HM13: variants seen among roughly 807,000 people sequenced by gnomAD.
HM13 encodes the protein histocompatibility minor 13.
Under a neutral mutation model 50.0 loss-of-function variants are expected in HM13, and 18 were observed. That is an observed-to-expected ratio of 0.36 (90% CI 0.25 to 0.53). The LOEUF (loss-of-function observed/expected upper bound fraction) is 0.53. HM13 is among the 20% of genes least tolerant of loss of function. HM13 has a pLI of 0.90. For synonymous variants in HM13, 197 were observed against 232.6 expected (o/e 0.85, Z 1.39); for missense variants, 393 against 552.4 (o/e 0.71, Z 2.89).
intron 6 of HM13, 101 bp downstream of exon 6, chr20:31,549,433 C>T: frequency 6.7e-7 from 1 of 1,488,226 alleles, no homozygotes; most frequent in Non-Finnish European, 9.2e-7. Flanking sequence ...CGGAGAAGAG[C>T]TGTTTTGGGC....
In HM13 at chr20:31,547,800, A is replaced by G. The variant is rs547030540; in HGVS notation, c.455-1229A>G. Reference sequence around the variant, plus strand: ...TCCTGCCACACCAGCAGGTTGATAAAGGAGCTATCAAATTTGTACTCAGTG... The same window carrying G: ...TCCTGCCACACCAGCAGGTTGATAAGGGAGCTATCAAATTTGTACTCAGTG... On this transcript the variant is annotated intron_variant, in intron 4 of 12. Transcript: ENST00000398174. The G allele has an allele frequency of 2.0e-4, 191 of 951,618 alleles. 1 individual carries two copies. Among genetic ancestry groups the G allele is most frequent in the Middle Eastern group, 4.3e-4 (2 of 4,640 alleles). 58.9% of individuals were successfully genotyped at this position (951,618 alleles called of 1,614,324 possible).
intron 10 of HM13, 81 bp downstream of exon 10, chr20:31,561,817 A>G (rs934136253): frequency 6.2e-6 from 6 of 966,498 alleles, no homozygotes; most frequent in Non-Finnish European, 9.9e-6. Context: ...TGTAAATGCA[A>G]GCAGTCCAGA....
chr20:31,534,409 C>T (rs1407069230), intron 2 of HM13, among the ~76,000 whole-genome samples: 1 of 152,080 alleles, frequency 6.6e-6, no homozygotes, highest in East Asian at 1.9e-4. Context: ...TGGGCAAGTG[C>T]CTTTGTTAGG....
At chr20:31,515,911 A>G (rs1981746683) in intron 1 of HM13, among the ~76,000 whole-genome samples, 1 of 152,140 alleles carries the variant, frequency 6.6e-6, no homozygotes, top group Admixed American at 6.5e-5. Flanking sequence ...GCAGGCCCAC[A>G]AAGCAGCTGC....
chr20:31,523,971 T>G (rs1982333671), intron 1 of HM13, among the ~76,000 whole-genome samples: 1 of 151,930 alleles, frequency 6.6e-6, no homozygotes, highest in Non-Finnish European at 1.5e-5. Context: ...TAGGCAAGGG[T>G]GTGGTTAGGG....
intron 2 of HM13, among the ~76,000 whole-genome samples, chr20:31,535,001 G>T (rs1024640788): frequency 6.6e-6 from 1 of 151,766 alleles, no homozygotes; most frequent in African/African-American, 2.4e-5. Flanking sequence ...CAGGAGAGTG[G>T]CGTGAACCCG....
chr20:31,532,378 T>G (rs1401849845), intron 2 of HM13, among the ~76,000 whole-genome samples: 1 of 152,160 alleles, frequency 6.6e-6, no homozygotes, highest in Non-Finnish European at 1.5e-5. Context: ...TGAGCCGAGA[T>G]CGTGCCCCTG....
chr20:31,547,191 C>T (rs1295690226), intron 4 of HM13, among the ~76,000 whole-genome samples: 1 of 152,180 alleles, frequency 6.6e-6, no homozygotes, highest in Non-Finnish European at 1.5e-5. Flanking sequence ...TCTTCTGTTC[C>T]GGCAAGGAGA....
chr20:31,522,990 T>C (rs1485994039), intron 1 of HM13, among the ~76,000 whole-genome samples: 2 of 150,672 alleles, frequency 1.3e-5, no homozygotes, highest in Admixed American at 1.3e-4. Context: ...GATATACATG[T>C]CTATTGCATC....
At chr20:31,563,924 A>G (rs1984753052) in intron 10 of HM13, 1 of 151,924 alleles carries the variant, frequency 6.6e-6, no homozygotes, top group African/African-American at 2.4e-5. Context: ...TAAAAACACA[A>G]AATTAGCCGG....
rs1361808206 is a variant in HM13, at chr20:31,547,453, G to A, written c.455-1576G>A. 5 of 577,856 alleles carry A rather than the reference G, an allele frequency of 8.7e-6. No individual in the cohort carries two copies. In the Admixed American group the frequency reaches 1.3e-4, roughly 15 times the overall value. The allele number at this position is 577,856 out of a possible 1,614,324, so 35.8% of individuals were successfully genotyped here. On this transcript the variant is annotated intron_variant, in intron 4 of 12. Coordinates refer to ENST00000398174, the MANE Select transcript of HM13 (RefSeq NM_178581.3). ...CCTTCCTGCAGGGGACTCCACCGGA[G>A]CCTTGCCAATTCCGTTTGTTTCCCT...
intron 2 of HM13, among the ~76,000 whole-genome samples, chr20:31,530,310 A>G (rs1982736279): frequency 6.6e-6 from 1 of 152,078 alleles, no homozygotes; most frequent in Admixed American, 6.6e-5. Flanking sequence ...GCATAAATCT[A>G]TACTTATGTT....
At chr20:31,518,110 A>G (rs1209517540) in intron 1 of HM13, among the ~76,000 whole-genome samples, 1 of 148,550 alleles carries the variant, frequency 6.7e-6, no homozygotes, top group Non-Finnish European at 1.5e-5. Flanking sequence ...ATCTTGGCTC[A>G]TTGCAACTTC....
chr20:31,569,287 AC>A lies in HM13; in HGVS notation c.*70del. On this transcript the variant is annotated 3_prime_UTR_variant, in exon 13 of 13. Coordinates refer to ENST00000398174, the MANE Select transcript of HM13 (RefSeq NM_178581.3). ...GGGGGCTGGGCCCACACAGGCGTGCACCGGTAGAGGGCACAGGAGGCCAAGG... is the reference window on the plus strand; with the variant it reads ...GGGGGCTGGGCCCACACAGGCGTGCACGGTAGAGGGCACAGGAGGCCAAGG... 1 of 1,140,672 alleles carries A rather than the reference AC, an allele frequency of 8.8e-7. No homozygotes were observed. Among genetic ancestry groups the A allele is most frequent in the Middle Eastern group, 2.9e-4 (1 of 3,506 alleles). 70.7% of individuals were successfully genotyped at this position (1,140,672 alleles called of 1,614,324 possible). A position where few individuals can be genotyped will look rare whatever the true frequency, so the allele number is the denominator to read the frequency against.
chr20:31,568,311 G>C, intron 12 of HM13, 87 bp downstream of exon 12: 1 of 1,503,954 alleles, frequency 6.6e-7, no homozygotes, highest in South Asian at 1.3e-5. Context: ...CCAGTGCATA[G>C]GGCAGGGACC....
chr20:31,538,311 G>A (rs771822210), intron 3 of HM13, 50 bp downstream of exon 3: 24 of 1,614,134 alleles, frequency 1.5e-5, no homozygotes, highest in Non-Finnish European at 2.0e-5. Context: ...TCGGGAACCA[G>A]TACAGGGTCT....
At chr20:31,532,110 T>C (rs1231835623) in intron 2 of HM13, among the ~76,000 whole-genome samples, 3 of 151,476 alleles carry the variant, frequency 2.0e-5, no homozygotes, top group Admixed American at 2.0e-4. Flanking sequence ...TTTTTTTTTC[T>C]TTTTTTCTGG....
At chr20:31,520,508 T>G (rs1982089315) in intron 1 of HM13, among the ~76,000 whole-genome samples, 1 of 152,094 alleles carries the variant, frequency 6.6e-6, no homozygotes, top group African/African-American at 2.4e-5. Flanking sequence ...TTCACCATGT[T>G]GGCCAGGCTG....
intron 8 of HM13, among the ~76,000 whole-genome samples, chr20:31,556,007 CATATAT>C (rs891833139): frequency 6.7e-6 from 1 of 149,306 alleles, no homozygotes; most frequent in Non-Finnish European, 1.5e-5. Flanking sequence ...ATTGTGAGAC[CATATAT>C]ATATATAAAA....
Sources: gnomAD v4.1 joint callset for allele counts (sites outside exome capture counted in the v4.1 genomes callset) on GRCh38, gnomAD v4.1.1 for gene constraint, MANE v1.5 for transcripts, NCBI Gene and HGNC (gene_info 2026-07-23, HGNC 2026-07-21) for gene names.